SORCS1: variants seen among roughly 807,000 people sequenced by gnomAD.
SORCS1 encodes VPS10 domain-containing receptor SorCS1.
In SORCS1, 60 loss-of-function variants were observed where a neutral mutation model predicts 146.1. The observed-to-expected ratio is 0.41, with a 90% CI of 0.33 to 0.51. The LOEUF (loss-of-function observed/expected upper bound fraction) is 0.51, where lower values mean the gene tolerates loss of function less well. Among genes scored for constraint, SORCS1 ranks in the 20% least tolerant of loss-of-function variants. The pLI is 0.21. For synonymous variants in SORCS1, 637 were observed against 584.0 expected (o/e 1.09, Z -1.31); for missense variants, 1,352 against 1,487.6 (o/e 0.91, Z 1.50).
At chr10:106,976,337 T>TTTTTTTGTTTTG (rs201812454) in intron 1 of SORCS1, among the ~76,000 whole-genome samples, 3 of 140,386 alleles carry the variant, frequency 2.1e-5, no homozygotes, top group Non-Finnish European at 4.6e-5. Context: ...TTTTTTGTTT[T>TTTTTTTGTTTTG]TTTTTTTTTT....
chr10:106,855,912 G>GT (rs945855766), intron 2 of SORCS1, among the ~76,000 whole-genome samples: 1 of 152,068 alleles, frequency 6.6e-6, no homozygotes, highest in African/African-American at 2.4e-5. Flanking sequence ...AAACTGGATT[G>GT]TTTGCCTCTT....
chr10:106,671,287 T>C lies in SORCS1; in HGVS notation c.2139A>G (p.Ala713=). ...CACAGGGTTCAGATTCCATAGCTCC[T>C]GCATATTTTCCTTGCATACACTTCC... is the stretch of plus-strand genomic sequence containing the variant. The part of the protein sequence containing the change: ...SERKCMQGKY[A]GAMESEPCVC... The change falls in exon 16 of 26, where the codon GCA becomes GCG. Residue 713 remains alanine, a synonymous_variant. Transcript: ENST00000263054. 6.2e-7 allele frequency: 1 copy of C among 1,614,188 alleles called. No homozygotes were observed. The highest frequency in any genetic ancestry group is 8.5e-7 in the Non-Finnish European group (1 of 1,180,014).
chr10:106,858,856 A>G (rs1429538255), intron 2 of SORCS1, among the ~76,000 whole-genome samples: 2 of 152,228 alleles, frequency 1.3e-5, no homozygotes, highest in Non-Finnish European at 2.9e-5. Flanking sequence ...ATCCTTCACT[A>G]GATGATGTCC....
intron 1 of SORCS1, among the ~76,000 whole-genome samples, chr10:107,054,079 T>C (rs1465925891): frequency 1.3e-5 from 2 of 152,122 alleles, no homozygotes; most frequent in Non-Finnish European, 2.9e-5. Flanking sequence ...TCCAGGTGAA[T>C]CTAATATGTA....
chr10:107,157,850 C>G (rs1969411342), intron 1 of SORCS1, among the ~76,000 whole-genome samples: 1 of 152,216 alleles, frequency 6.6e-6, no homozygotes, highest in Admixed American at 6.5e-5. Context: ...ATGAACACAT[C>G]TCTTCTCTGC....
intron 1 of SORCS1, among the ~76,000 whole-genome samples, chr10:107,117,353 A>G (rs1241065827): frequency 6.6e-6 from 1 of 152,194 alleles, no homozygotes; most frequent in Admixed American, 6.5e-5. Context: ...ATACAAGAAC[A>G]ATGACCCCGG....
chr10:107,177,612 GATTT>G, the SORCS1 span, among the ~76,000 whole-genome samples: 2 of 152,040 alleles, frequency 1.3e-5, no homozygotes, highest in Non-Finnish European at 2.9e-5. Context: ...ACTTTAAAAA[GATTT>G]ATTTATATAT....
At chr10:106,807,927 T>G (rs1296600207) in intron 3 of SORCS1, among the ~76,000 whole-genome samples, 2 of 152,282 alleles carry the variant, frequency 1.3e-5, no homozygotes, top group Non-Finnish European at 2.9e-5. Context: ...AAATCTCTTC[T>G]CTTCCAATGA....
At chr10:106,941,110 A>G (rs1040983701) in intron 2 of SORCS1, among the ~76,000 whole-genome samples, 10 of 152,156 alleles carry the variant, frequency 6.6e-5, no homozygotes, top group African/African-American at 2.4e-4. Context: ...AATCTCATAA[A>G]AATATTTTGG....
In SORCS1 at chr10:106,730,248, T is replaced by G; in HGVS notation, c.960-134A>C. Reference sequence around the variant, plus strand: ...CCCACAATCCTTAGAATATATCTACTCTATGTATTTATACAGCCTGACAGT... The same window carrying G: ...CCCACAATCCTTAGAATATATCTACGCTATGTATTTATACAGCCTGACAGT... On this transcript the variant is annotated intron_variant, in intron 5 of 25. Coordinates refer to ENST00000263054, the MANE Select transcript of SORCS1 (RefSeq NM_052918.5). The G allele has an allele frequency of 5.7e-6, 4 of 699,896 alleles. No individual in the cohort carries two copies. In the South Asian group the frequency reaches 7.4e-5, roughly 13 times the overall value. 43.4% of individuals were successfully genotyped at this position (699,896 alleles called of 1,614,324 possible).
intron 10 of SORCS1, among the ~76,000 whole-genome samples, chr10:106,685,855 G>C (rs896538993): frequency 2.6e-5 from 4 of 152,176 alleles, no homozygotes; most frequent in Non-Finnish European, 4.4e-5. Context: ...AAAAGTTCAA[G>C]TTGATAACAT....
At chr10:106,825,573 A>C (rs1250879505) in intron 3 of SORCS1, among the ~76,000 whole-genome samples, 2 of 151,672 alleles carry the variant, frequency 1.3e-5, no homozygotes, top group African/African-American at 4.8e-5. Flanking sequence ...CGCCCAGCCA[A>C]GTTTTTTTTT....
intron 2 of SORCS1, among the ~76,000 whole-genome samples, chr10:106,841,147 C>G (rs1949021714): frequency 6.6e-6 from 1 of 152,104 alleles, no homozygotes; most frequent in South Asian, 2.1e-4. Flanking sequence ...AGCCACCCTG[C>G]CCAGCCATAA....
chr10:106,733,732 T>C (rs1441959895), intron 5 of SORCS1, among the ~76,000 whole-genome samples: 1 of 152,222 alleles, frequency 6.6e-6, no homozygotes, highest in Non-Finnish European at 1.5e-5. Flanking sequence ...ATGGTCTTAC[T>C]TGCAGAATGA....
chr10:106,849,845 C>T (rs1244355375), intron 2 of SORCS1, among the ~76,000 whole-genome samples: 1 of 151,958 alleles, frequency 6.6e-6, no homozygotes, highest in East Asian at 1.9e-4. Flanking sequence ...ATACCCTGCC[C>T]TGTGAGGTGT....
chr10:106,744,296 G>A (rs1857563841), intron 5 of SORCS1, among the ~76,000 whole-genome samples: 3 of 152,142 alleles, frequency 2.0e-5, no homozygotes, highest in Middle Eastern at 3.4e-3. Flanking sequence ...TAGTAGAGAC[G>A]GGGTTTCACC....
intron 3 of SORCS1, among the ~76,000 whole-genome samples, chr10:106,804,984 C>T (rs1234801098): frequency 6.6e-6 from 1 of 151,992 alleles, no homozygotes; most frequent in Non-Finnish European, 1.5e-5. Context: ...TATGTGCAAA[C>T]TATAAATATG....
rs1190586452 is a variant in SORCS1 at position 107,164,310 on chromosome 10, C to G, written c.217G>C (p.Val73Leu). 5 of 1,576,754 alleles carry G rather than the reference C, an allele frequency of 3.2e-6. No homozygotes were observed. Among genetic ancestry groups the G allele is most frequent in the Non-Finnish European group, 4.3e-6 (5 of 1,165,642 alleles). The change falls in exon 1 of 26, where the codon GTA becomes CTA. Residue 73 changes from valine to leucine, a missense_variant. Val to Leu is a conservative substitution (Grantham distance 32). Transcript: ENST00000263054. The surrounding 1 kb of genome is among the most constrained non-coding windows in gnomAD (Gnocchi z 6.8). ...GRAPATPLPL[V>L]VRPLFSVAPG... ...GCCACTGAGAACAGGGGACGCACTA[C>G]GAGGGGCAGGGGCGTGGCAGGAGCC...
chr10:106,978,022 C>T (rs938245168), intron 1 of SORCS1, among the ~76,000 whole-genome samples: 1 of 152,234 alleles, frequency 6.6e-6, no homozygotes, highest in African/African-American at 2.4e-5. Context: ...CGGCTCACTA[C>T]AACCTCTGCC....
Sources: allele counts gnomAD v4.1 joint callset (sites outside exome capture counted in the v4.1 genomes callset), GRCh38; gene constraint gnomAD v4.1.1; non-coding constraint Gnocchi (gnomAD v3.1); transcripts MANE v1.5; gene names NCBI Gene and HGNC (gene_info 2026-07-23, HGNC 2026-07-21).